The following ABTB2 variants were observed in gnomAD, a reference collection of about 807,000 sequenced individuals.
ABTB2 encodes ankyrin repeat and BTB/POZ domain-containing protein 2.
In ABTB2, 56 loss-of-function variants were observed where a neutral mutation model predicts 104.1. The ratio of observed to expected loss-of-function variants is 0.54; its 90% CI spans 0.43 to 0.67. The LOEUF is 0.67. ABTB2 is among the 30% of genes least tolerant of loss of function. ABTB2 has a pLI of 0.00. For missense variants in ABTB2, 1,279 were observed against 1,407.7 expected (o/e 0.91, Z 1.46); for synonymous variants, 606 against 608.2 (o/e 1.00, Z 0.05).
Position 34,162,742 on chromosome 11 carries a change from C to T in ABTB2, c.2052G>A (p.Glu684=), listed in dbSNP as rs1225735956. Reference sequence around the variant, plus strand: ...CCTCCACACCCTCGGCCAGGATCTCCTCCAGGGACAGCACGTCCGCTTTAG... The same window carrying T: ...CCTCCACACCCTCGGCCAGGATCTCTTCCAGGGACAGCACGTCCGCTTTAG... ...QQAKADVLSL[E]EILAEGVEES... The change falls in exon 10 of 17, where the codon GAG becomes GAA. Residue 684 remains glutamate, a synonymous_variant. Transcript: ENST00000435224. 7 of 1,610,926 alleles carry T rather than the reference C, an allele frequency of 4.3e-6. No individual in the cohort carries two copies. In the Admixed American group the frequency reaches 6.7e-5, roughly 15 times the overall value.
At chr11:34,162,861 C>A (rs185826599) in intron 9 of ABTB2, 56 bp from the exon 10 acceptor site, 185 of 1,496,044 alleles carry the variant, frequency 1.2e-4, no homozygotes, top group Admixed American at 1.9e-4. Flanking sequence ...GCAGTGCCCA[C>A]CTGAGCTGTC....
intron 3 of ABTB2, among the ~76,000 whole-genome samples, chr11:34,177,286 G>A (rs1852969936): frequency 6.6e-6 from 1 of 152,186 alleles, no homozygotes; most frequent in Non-Finnish European, 1.5e-5. Flanking sequence ...CTCAACACTT[G>A]AGAAAATGCA....
chr11:34,308,527 A>G (rs964607475), intron 1 of ABTB2, among the ~76,000 whole-genome samples: 2 of 152,164 alleles, frequency 1.3e-5, no homozygotes, highest in Admixed American at 6.5e-5. Context: ...ATGGATCTTG[A>G]GTCATCAAGA....
chr11:34,350,786 C>T (rs1204963950), intron 1 of ABTB2, among the ~76,000 whole-genome samples: 2 of 152,194 alleles, frequency 1.3e-5, no homozygotes, highest in Admixed American at 1.3e-4. Context: ...AAGTACTGAC[C>T]TGTATTTGCT....
intron 1 of ABTB2, among the ~76,000 whole-genome samples, chr11:34,233,584 G>C (rs988197651): frequency 6.6e-6 from 1 of 151,994 alleles, no homozygotes; most frequent in African/African-American, 2.4e-5. Context: ...GAAATCCTGG[G>C]CTCAAGCAAT....
At chr11:34,243,338 T>C (rs1392681788) in intron 1 of ABTB2, among the ~76,000 whole-genome samples, 2 of 152,090 alleles carry the variant, frequency 1.3e-5, no homozygotes, top group Non-Finnish European at 2.9e-5. Context: ...AGTGGCATGA[T>C]CTTAGCTCAC....
intron 1 of ABTB2, among the ~76,000 whole-genome samples, chr11:34,345,803 C>T (rs1053455339): frequency 1.3e-5 from 2 of 152,166 alleles, no homozygotes; most frequent in East Asian, 1.9e-4. Context: ...TTTAATTACC[C>T]GGCTGCTGAG....
At chr11:34,337,815 T>C (rs1855209893) in intron 1 of ABTB2, among the ~76,000 whole-genome samples, 1 of 151,990 alleles carries the variant, frequency 6.6e-6, no homozygotes, top group African/African-American at 2.4e-5. Context: ...GTTGGAAAAA[T>C]TAAACGAGAT....
At chr11:34,294,524 G>A (rs114589315) in intron 1 of ABTB2, among the ~76,000 whole-genome samples, 2,891 of 152,228 alleles carry the variant, frequency 0.019, 69 homozygotes, top group African/African-American at 0.066. Context: ...GTATCGCTAT[G>A]AGTTAGAAGA....
chr11:34,274,158 C>CAAAAAAAAAA (rs763755237), intron 1 of ABTB2, among the ~76,000 whole-genome samples: 6 of 50,738 alleles, frequency 1.2e-4, no homozygotes, highest in African/African-American at 4.3e-4. Flanking sequence ...GACTCCGTCT[C>CAAAAAAAAAA]AAAAAAAAAA....
intron 3 of ABTB2, among the ~76,000 whole-genome samples, chr11:34,185,335 AGAGG>A (rs556086952): frequency 3.3e-5 from 5 of 152,198 alleles, no homozygotes; most frequent in African/African-American, 7.2e-5. Flanking sequence ...AGACAGAGAG[AGAGG>A]AAGAGACAGT....
chr11:34,220,119 G>A (rs993892142), intron 1 of ABTB2, among the ~76,000 whole-genome samples: 2 of 152,244 alleles, frequency 1.3e-5, no homozygotes, highest in African/African-American at 2.4e-5. Context: ...GTCCCAGTAG[G>A]ACACTCATTC....
At chr11:34,264,054 A>G (rs920768236) in intron 1 of ABTB2, among the ~76,000 whole-genome samples, 1 of 152,102 alleles carries the variant, frequency 6.6e-6, no homozygotes, top group East Asian at 1.9e-4. Flanking sequence ...AAGTTTCCCA[A>G]TGTTTTCTCT....
chr11:34,354,829 T>C (rs545968397), intron 1 of ABTB2, among the ~76,000 whole-genome samples: 8 of 152,378 alleles, frequency 5.3e-5, no homozygotes, highest in African/African-American at 1.7e-4. Context: ...TCTTTTCTCC[T>C]AGGAGCCTGC....
chr11:34,261,150 C>G (rs1854183581), intron 1 of ABTB2, among the ~76,000 whole-genome samples: 1 of 152,096 alleles, frequency 6.6e-6, no homozygotes, highest in Non-Finnish European at 1.5e-5. Flanking sequence ...AAAAAAGACA[C>G]TTTGTAAGGC....
In ABTB2 at chr11:34,356,347, G is replaced by C. The variant is rs900210286; in HGVS notation, c.883+354C>G. On this transcript the variant is annotated intron_variant, in intron 1 of 16. Transcript: ENST00000435224. The surrounding 1 kb of genome is among the most constrained non-coding windows in gnomAD (Gnocchi z 4.6). ...CTGTTGGGGAAAGACAGCAGCTAGA[G>C]ACCTAGTCAATCACGGTAAAGAGCC... Among the ~76,000 whole-genome samples, 6 of 152,278 alleles carry C rather than the reference G, an allele frequency of 3.9e-5. No homozygotes were observed. The highest frequency in any genetic ancestry group is 7.3e-5 in the Non-Finnish European group (5 of 68,030).
chr11:34,319,085 T>C (rs1854971861), intron 1 of ABTB2, among the ~76,000 whole-genome samples: 2 of 152,330 alleles, frequency 1.3e-5, no homozygotes. Flanking sequence ...GATAACATCT[T>C]GTCAGCCCCA....
At chr11:34,248,424 T>TAAAC (rs201577559) in intron 1 of ABTB2, among the ~76,000 whole-genome samples, 10,406 of 152,062 alleles carry the variant, frequency 0.068, 462 homozygotes, top group Non-Finnish European at 0.1. Flanking sequence ...AGTTTCCTAT[T>TAAAC]AAACAAACAA....
intron 1 of ABTB2, among the ~76,000 whole-genome samples, chr11:34,270,418 C>T (rs1218963508): frequency 6.7e-6 from 1 of 150,106 alleles, no homozygotes; most frequent in Non-Finnish European, 1.5e-5. Context: ...CGGCTCGCTG[C>T]AACCTCCGCC....
Sources: allele counts gnomAD v4.1 joint callset (sites outside exome capture counted in the v4.1 genomes callset), GRCh38; gene constraint gnomAD v4.1.1; non-coding constraint Gnocchi (gnomAD v3.1); transcripts MANE v1.5; gene names NCBI Gene and HGNC (gene_info 2026-07-23, HGNC 2026-07-21).